SLC19A3: variants seen among roughly 807,000 people sequenced by gnomAD.
The protein encoded by SLC19A3 is solute carrier family 19 member 3.
In SLC19A3, 31 loss-of-function variants were observed where a neutral mutation model predicts 40.2. The observed-to-expected ratio is 0.77, with a 90% CI of 0.58 to 1.04. The LOEUF is 1.04. SLC19A3 is among the 50% of genes least tolerant of loss of function. The pLI, the probability that SLC19A3 is intolerant of heterozygous loss-of-function variation, is 0.00. For synonymous variants in SLC19A3, 212 were observed against 227.5 expected, an observed-to-expected ratio of 0.93 and a Z score of 0.61; for missense variants, 592 against 596.7, an observed-to-expected ratio of 0.99 and a Z score of 0.08.
rs974221325 is a variant in SLC19A3, at chr2:227,703,778, C to T, written c.-2-1458G>A. ...CTTGCTGGGGTAGCATCTGCTGGCT[C>T]TATATCCAGAGCCTCCTCTCCACCT... On this transcript the variant is annotated intron_variant, in intron 1 of 5. Transcript: ENST00000644224. This position sits in a 1 kb window ranked among gnomAD's most constrained non-coding sequence, Gnocchi z 4.7. Among the ~76,000 whole-genome samples the T allele has an allele frequency of 2.0e-5, 3 of 152,148 alleles. No homozygotes were observed. Among genetic ancestry groups the T allele is most frequent in the Non-Finnish European group, 4.4e-5 (3 of 68,010 alleles).
At chr2:227,700,937 G>C in intron 2 of SLC19A3, 1 of 1,301,862 alleles carries the variant, frequency 7.7e-7, no homozygotes, top group Non-Finnish European at 1.0e-6. Context: ...CACTGAGGTT[G>C]CTGGAGAAAG....
intron 1 of SLC19A3, among the ~76,000 whole-genome samples, chr2:227,712,779 AAAG>A (rs1217744847): frequency 6.7e-6 from 1 of 149,744 alleles, no homozygotes; most frequent in Non-Finnish European, 1.5e-5. Context: ...ATGAACATAA[AAAG>A]AAAAATTTGC....
chr2:227,713,228 C>T lies in SLC19A3; in HGVS notation c.-3+4715G>A, dbSNP rs368686639. The stretch of plus-strand genomic sequence containing the variant: ...ATCAGACTGGTCAAGATAGCAAGAA[C>T]ACGGTTCTACAAAAAAATTAAGTAA... On this transcript the variant is annotated intron_variant, in intron 1 of 5. Transcript: ENST00000644224. Among the ~76,000 whole-genome samples, 26 of 111,130 alleles carry T rather than the reference C, an allele frequency of 2.3e-4. No homozygotes were observed. The East Asian group carries it at 3.4e-3, about 15-fold the overall frequency. The allele number at this position is 111,130 out of a possible 152,430, so 72.9% of individuals were successfully genotyped here.
At chr2:227,716,700 C>T (rs1471276009) in intron 1 of SLC19A3, among the ~76,000 whole-genome samples, 1 of 152,062 alleles carries the variant, frequency 6.6e-6, no homozygotes, top group Non-Finnish European at 1.5e-5. Context: ...GCTTCTGAGA[C>T]ATGTTGCAGG....
intron 1 of SLC19A3, among the ~76,000 whole-genome samples, chr2:227,711,943 G>A (rs1696153356): frequency 6.6e-6 from 1 of 151,396 alleles, no homozygotes; most frequent in Non-Finnish European, 1.5e-5. Flanking sequence ...CCAGCTACTC[G>A]GGAGGCTGAG....
At chr2:227,700,951 G>A (rs1206384665) in intron 2 of SLC19A3, 2 of 1,303,228 alleles carry the variant, frequency 1.5e-6, no homozygotes, top group African/African-American at 1.5e-5. Context: ...GAGAAAGCAG[G>A]AGGCCACAGA....
At chr2:227,696,671 T>C (rs951050438) in intron 3 of SLC19A3, among the ~76,000 whole-genome samples, 2 of 152,304 alleles carry the variant, frequency 1.3e-5, no homozygotes, top group East Asian at 3.9e-4. Flanking sequence ...TTGAGAAGCT[T>C]TGGGTGAAAA....
At chr2:227,696,925 C>T in intron 3 of SLC19A3, among the ~76,000 whole-genome samples, 1 of 152,038 alleles carries the variant, frequency 6.6e-6, no homozygotes, top group East Asian at 1.9e-4. Flanking sequence ...AATTAGCCAG[C>T]ATGGTGGCGG....
At chr2:227,696,750 G>A (rs1695452624) in intron 3 of SLC19A3, among the ~76,000 whole-genome samples, 2 of 152,176 alleles carry the variant, frequency 1.3e-5, no homozygotes, top group East Asian at 1.9e-4. Flanking sequence ...GCACTTTTGT[G>A]TGGTTCTCTT....
chr2:227,704,879 C>CATTATT (rs71039630), intron 1 of SLC19A3, among the ~76,000 whole-genome samples: 11 of 151,106 alleles, frequency 7.3e-5, no homozygotes, highest in Middle Eastern at 3.5e-3. Flanking sequence ...TTGCAAACAG[C>CATTATT]ATTATTATTA....
intron 1 of SLC19A3, among the ~76,000 whole-genome samples, chr2:227,714,924 A>G (rs1237968760): frequency 6.8e-6 from 1 of 147,278 alleles, no homozygotes; most frequent in Non-Finnish European, 1.5e-5. Flanking sequence ...GGTTCAAGCG[A>G]TTCTCCCACC....
At chr2:227,713,219 T>C (rs1033041868) in intron 1 of SLC19A3, among the ~76,000 whole-genome samples, 2 of 143,576 alleles carry the variant, frequency 1.4e-5, no homozygotes, top group Admixed American at 1.5e-4. Context: ...CTGGTCAAGA[T>C]AGCAAGAACA....
rs750918156 is a variant in SLC19A3 at position 227,696,091 on chromosome 2, A to C, written c.980-10T>G. 3.7e-6 allele frequency: 6 copies of C among 1,613,606 alleles called. No homozygotes were observed. The highest frequency in any genetic ancestry group is 2.5e-6 in the Non-Finnish European group (3 of 1,179,812). On this transcript the variant is annotated splice_polypyrimidine_tract_variant and intron_variant, in intron 3 of 5. Transcript: ENST00000644224. The stretch of plus-strand genomic sequence containing the variant: ...AAGGCAGCCACAGCCCCTGAAAAAA[A>C]ACATTGAAGGCAATCAAACATAATG...
chr2:227,715,899 G>A (rs1200949521), intron 1 of SLC19A3, among the ~76,000 whole-genome samples: 7 of 136,670 alleles, frequency 5.1e-5, no homozygotes, highest in African/African-American at 1.7e-4. Context: ...GCGGTGAGCC[G>A]AGATCCCAGC....
chr2:227,694,523 A>G (rs1425191913), intron 4 of SLC19A3, among the ~76,000 whole-genome samples: 2 of 152,220 alleles, frequency 1.3e-5, no homozygotes, highest in Non-Finnish European at 2.9e-5. Flanking sequence ...CATTCTTCAC[A>G]AATTGAAAGC....
rs537995579 is a variant in SLC19A3, at chr2:227,699,440, A to G, written c.275T>C (p.Ile92Thr). ...VIILQGISFI[I>T]TWLLLLFGQG... is the part of the protein sequence containing the mutation. ...GCCAAACAACAGCAGCAGCCAGGTA[A>G]TGATGAAACTGATACCTTGCAAGAT... The change falls in exon 3 of 6, where the codon ATT becomes ACT. Residue 92 changes from isoleucine to threonine, a missense_variant. Transcript: ENST00000644224. The G allele has an allele frequency of 5.0e-6, 8 of 1,614,180 alleles. No individual in the cohort carries two copies. In the South Asian group the frequency reaches 7.7e-5, roughly 16 times the overall value.
At chr2:227,712,904 G>A (rs964677315) in intron 1 of SLC19A3, among the ~76,000 whole-genome samples, 24 of 152,094 alleles carry the variant, frequency 1.6e-4, no homozygotes, top group Non-Finnish European at 1.5e-4. Flanking sequence ...GTTGCCTGGG[G>A]TGGGAGGTAG....
In SLC19A3 at chr2:227,699,169, C is replaced by T. The variant is rs143188189; in HGVS notation, c.546G>A (p.Val182=). ...GTAGGAAAAGTGAGAAAAGGAAAGCCACGGAGACAGAGGCCAAGGATATGA... is the reference window on the plus strand; with the variant it reads ...GTAGGAAAAGTGAGAAAAGGAAAGCTACGGAGACAGAGGCCAAGGATATGA... ...LNVISLASVS[V]AFLFSLFLPM... The change falls in exon 3 of 6, where the codon GTG becomes GTA. Residue 182 remains valine, a synonymous_variant. Transcript: ENST00000644224. 734 of 1,614,134 alleles carry T rather than the reference C, an allele frequency of 4.5e-4. 4 individuals carry two copies. The African/African-American group carries it at 9.0e-3, about 20-fold the overall frequency.
At chr2:227,714,001 G>A (rs1210136838) in intron 1 of SLC19A3, among the ~76,000 whole-genome samples, 1 of 152,068 alleles carries the variant, frequency 6.6e-6, no homozygotes, top group Non-Finnish European at 1.5e-5. Flanking sequence ...AAGAATTGAT[G>A]GTAAAAGGGC....
Sources: allele counts gnomAD v4.1 joint callset (sites outside exome capture counted in the v4.1 genomes callset), GRCh38; gene constraint gnomAD v4.1.1; non-coding constraint Gnocchi (gnomAD v3.1); transcripts MANE v1.5; gene names NCBI Gene and HGNC (gene_info 2026-07-23, HGNC 2026-07-21).